BICC1: variants seen among roughly 807,000 people sequenced by gnomAD.
The protein encoded by BICC1 is BicC family RNA binding protein 1.
Under a neutral mutation model 111.0 loss-of-function variants are expected in BICC1, and 43 were observed. The ratio of observed to expected loss-of-function variants is 0.39; its 90% CI spans 0.30 to 0.50. The LOEUF (loss-of-function observed/expected upper bound fraction) is 0.50. Ranked by LOEUF, BICC1 falls within the 20% of genes least tolerant of loss-of-function variation. The pLI is 0.88. For missense variants in BICC1, 1,091 were observed against 1,203.2 expected (o/e 0.91, Z 1.38); for synonymous variants, 467 against 434.4 (o/e 1.07, Z -0.93).
rs116406892 is a variant in BICC1 at position 58,811,241 on chromosome 10, T to G, written c.2377-2589T>G. Among the ~76,000 whole-genome samples, 914 of 152,288 alleles carry G rather than the reference T, an allele frequency of 6.0e-3. 9 individuals are homozygous for G. The highest frequency in any genetic ancestry group is 0.018 in the African/African-American group (761 of 41,570). On this transcript the variant is annotated intron_variant, in intron 17 of 20. Coordinates refer to ENST00000373886, the MANE Select transcript of BICC1 (RefSeq NM_001080512.3). ...CACATCAATAAAGCTACAAAGAGGT[T>G]TGGGATTTTCTTTTCCTTTTTGCCA...
At chr10:58,667,019 A>G (rs1447675295) in intron 2 of BICC1, among the ~76,000 whole-genome samples, 1 of 152,120 alleles carries the variant, frequency 6.6e-6, no homozygotes, top group African/African-American at 2.4e-5. Flanking sequence ...ATAATGATCT[A>G]GATGAAAGAG....
chr10:58,775,340 C>T (rs1363781543), intron 3 of BICC1, among the ~76,000 whole-genome samples: 1 of 151,736 alleles, frequency 6.6e-6, no homozygotes, highest in African/African-American at 2.4e-5. Context: ...TGCCACTGCA[C>T]TCCAGCCTGG....
At chr10:58,708,671 A>G (rs1367549417) in intron 3 of BICC1, among the ~76,000 whole-genome samples, 2 of 152,150 alleles carry the variant, frequency 1.3e-5, no homozygotes, top group East Asian at 3.9e-4. Context: ...CTCCACCCTA[A>G]TCTTTTACTA....
At chr10:58,688,161 A>G (rs1589023380) in intron 2 of BICC1, among the ~76,000 whole-genome samples, 1 of 152,086 alleles carries the variant, frequency 6.6e-6, no homozygotes, top group East Asian at 1.9e-4. Flanking sequence ...TATTATGAAG[A>G]GTGAAGGAAC....
At chr10:58,793,257 A>G (rs1843237410) in intron 8 of BICC1, among the ~76,000 whole-genome samples, 2 of 152,220 alleles carry the variant, frequency 1.3e-5, no homozygotes, top group South Asian at 4.1e-4. Flanking sequence ...GGCCAAAAAC[A>G]GAAACTTAAG....
At chr10:58,645,192 G>A (rs1341518210) in intron 2 of BICC1, among the ~76,000 whole-genome samples, 18 of 152,036 alleles carry the variant, frequency 1.2e-4, no homozygotes, top group Admixed American at 1.1e-3. Flanking sequence ...GGTGGATCAC[G>A]AGGTCAGGAG....
intron 3 of BICC1, among the ~76,000 whole-genome samples, chr10:58,757,267 T>A (rs764071635): frequency 6.6e-6 from 1 of 152,248 alleles, no homozygotes; most frequent in African/African-American, 2.4e-5. Context: ...TTCATGAGTA[T>A]GTGAACATTT....
chr10:58,527,174 G>A (rs112108193), intron 1 of BICC1, among the ~76,000 whole-genome samples: 4,079 of 152,208 alleles, frequency 0.027, 81 homozygotes, highest in Non-Finnish European at 0.039. Context: ...TTCTCTGATG[G>A]CCAGTGATGA....
At chr10:58,630,257 A>G (rs759615945) in intron 2 of BICC1, among the ~76,000 whole-genome samples, 6 of 152,078 alleles carry the variant, frequency 3.9e-5, no homozygotes, top group Admixed American at 1.3e-4. Context: ...GCTGTTGATC[A>G]TGGGAAAGCT....
chr10:58,537,766 T>G (rs527392599), intron 1 of BICC1, among the ~76,000 whole-genome samples: 1 of 151,832 alleles, frequency 6.6e-6, no homozygotes, highest in East Asian at 1.9e-4. Context: ...ATCTGATAAA[T>G]GAATCCAGTA....
intron 3 of BICC1, among the ~76,000 whole-genome samples, chr10:58,709,215 C>CCACACCA (rs1208274329): frequency 1.3e-5 from 2 of 152,142 alleles, no homozygotes; most frequent in Non-Finnish European, 1.5e-5. Context: ...TACCACCGTC[C>CCACACCA]CACACCACAC....
At chr10:58,632,155 C>G (rs943713776) in intron 2 of BICC1, among the ~76,000 whole-genome samples, 1 of 152,100 alleles carries the variant, frequency 6.6e-6, no homozygotes, top group African/African-American at 2.4e-5. Context: ...GATGGGCTAC[C>G]TCATAATCTG....
At chr10:58,607,553 T>G (rs1037833189) in intron 1 of BICC1, among the ~76,000 whole-genome samples, 1 of 151,906 alleles carries the variant, frequency 6.6e-6, no homozygotes, top group African/African-American at 2.4e-5. Flanking sequence ...TTCGTCCCCC[T>G]TCGCCTTCTC....
At chr10:58,812,858 G>A (rs527304533) in intron 17 of BICC1, among the ~76,000 whole-genome samples, 1 of 152,098 alleles carries the variant, frequency 6.6e-6, no homozygotes, top group Non-Finnish European at 1.5e-5. Flanking sequence ...TTTTTGAAAG[G>A]ACTTGAGATT....
intron 3 of BICC1, among the ~76,000 whole-genome samples, chr10:58,745,293 A>G (rs999978451): frequency 3.9e-5 from 6 of 152,138 alleles, no homozygotes; most frequent in Non-Finnish European, 2.9e-5. Context: ...GCTCTGTGAC[A>G]TTGGACAAGT....
chr10:58,748,451 T>C (rs1056521357), intron 3 of BICC1, among the ~76,000 whole-genome samples: 1 of 151,754 alleles, frequency 6.6e-6, no homozygotes, highest in African/African-American at 2.4e-5. Flanking sequence ...GTAAGATTCA[T>C]ATGAAAAAGT....
At chr10:58,584,832 A>C (rs970521887) in intron 1 of BICC1, among the ~76,000 whole-genome samples, 1 of 151,948 alleles carries the variant, frequency 6.6e-6, no homozygotes, top group Non-Finnish European at 1.5e-5. Flanking sequence ...CAAAATGGTT[A>C]TACAACATTT....
chr10:58,803,219 C>T lies in BICC1; in HGVS notation c.2158C>T (p.Arg720Trp), dbSNP rs1188162764. ...CTCCGAAAGGGCCCACCTTGCTCCA[C>T]GGTCATCATATGTCAACATGCAGGT... The part of the protein sequence containing the change: ...QNSERAHLAP[R>W]SSYVNMQAFD... The change falls in exon 15 of 21, where the codon CGG becomes TGG. Residue 720 changes from arginine to tryptophan, a missense_variant. Arg to Trp is a moderately radical substitution (Grantham distance 101). This residue lies in a region of BICC1 where 843 missense variants were observed against 900.8 expected (regional missense o/e 0.94). Coordinates refer to ENST00000373886, the MANE Select transcript of BICC1 (RefSeq NM_001080512.3). 8 of 1,604,134 alleles carry T rather than the reference C, an allele frequency of 5.0e-6. No homozygotes were observed. Among genetic ancestry groups the T allele is most frequent in the Non-Finnish European group, 6.8e-6 (8 of 1,175,276 alleles).
intron 1 of BICC1, among the ~76,000 whole-genome samples, chr10:58,575,187 C>T (rs983503215): frequency 1.3e-5 from 2 of 151,906 alleles, no homozygotes; most frequent in African/African-American, 4.8e-5. Context: ...CCTGTTGTCC[C>T]CCACTCCCCA....
Sources: gnomAD v4.1 joint callset for allele counts (sites outside exome capture counted in the v4.1 genomes callset) on GRCh38, gnomAD v4.1.1 for gene constraint, gnomAD v4.1.1 regional missense constraint, MANE v1.5 for transcripts, NCBI Gene and HGNC (gene_info 2026-07-23, HGNC 2026-07-21) for gene names.